The following ZDHHC14 variants were observed in gnomAD, a reference collection of about 807,000 sequenced individuals.
ZDHHC14 encodes zDHHC palmitoyltransferase 14, also known as palmitoyltransferase ZDHHC14.
Under a neutral mutation model 47.7 loss-of-function variants are expected in ZDHHC14, and 16 were observed. The observed-to-expected ratio is 0.34, with a 90% CI of 0.23 to 0.51. The LOEUF is 0.51. Ranked by LOEUF, ZDHHC14 falls within the 20% of genes least tolerant of loss-of-function variation. The pLI, the probability that ZDHHC14 is intolerant of heterozygous loss-of-function variation, is 0.97. For synonymous variants in ZDHHC14, 293 were observed against 278.9 expected, an observed-to-expected ratio of 1.05 and a Z score of -0.50; for missense variants, 515 against 662.5, an observed-to-expected ratio of 0.78 and a Z score of 2.44.
Position 157,674,645 on chromosome 6 carries a change from C to G in ZDHHC14, c.*1523C>G, listed in dbSNP as rs1160250116. 1.3e-5 allele frequency: 2 copies of G among 152,026 alleles called. No homozygotes were observed. Among genetic ancestry groups the G allele is most frequent in the Admixed American group, 1.3e-4 (2 of 15,268 alleles). The allele number at this position is 152,026 out of a possible 1,614,324, so 9.4% of individuals were successfully genotyped here. A position where few individuals can be genotyped will look rare whatever the true frequency, so the allele number is the denominator to read the frequency against. On this transcript the variant is annotated 3_prime_UTR_variant, in exon 9 of 9. Transcript: ENST00000359775. ...CACATTGACCAATGATACAAGTAAC[C>G]CAAGTGATTTGCATTTATGGAAAAA...
chr6:157,417,815 G>A lies in ZDHHC14; in HGVS notation c.245+35549G>A, dbSNP rs151160000. ...TAAAAATACAAAAAATTAGCCGGGCGTGGTTGCGGGTGCCTGTAGTCCCAG... is the reference window on the plus strand; with the variant it reads ...TAAAAATACAAAAAATTAGCCGGGCATGGTTGCGGGTGCCTGTAGTCCCAG... On this transcript the variant is annotated intron_variant, in intron 1 of 8. Coordinates refer to ENST00000359775, the MANE Select transcript of ZDHHC14 (RefSeq NM_024630.3). 6.9e-3 allele frequency among the ~76,000 whole-genome samples: 1,049 copies of A among 152,222 alleles called. 22 individuals are homozygous for A. The highest frequency in any genetic ancestry group is 0.024 in the African/African-American group (997 of 41,554).
chr6:157,440,029 G>C (rs1194924851), intron 1 of ZDHHC14, among the ~76,000 whole-genome samples: 1 of 152,068 alleles, frequency 6.6e-6, no homozygotes, highest in African/African-American at 2.4e-5. Context: ...GGAGGAGGGA[G>C]AGCATCAGGA....
intron 1 of ZDHHC14, among the ~76,000 whole-genome samples, chr6:157,445,159 C>CT (rs1778638403): frequency 6.7e-6 from 1 of 149,836 alleles, no homozygotes; most frequent in African/African-American, 2.5e-5. Context: ...TCATATCTAT[C>CT]TATCTATCAT....
intron 8 of ZDHHC14, among the ~76,000 whole-genome samples, chr6:157,665,645 A>G (rs1422505546): frequency 3.9e-5 from 6 of 152,218 alleles, no homozygotes; most frequent in Admixed American, 1.3e-4. Context: ...CTAGATAAGC[A>G]CCCTGATATT....
Position 157,495,581 on chromosome 6 carries a change from G to A in ZDHHC14, c.246-47004G>A, listed in dbSNP as rs183233679. Among the ~76,000 whole-genome samples the A allele has an allele frequency of 1.4e-4, 22 of 152,170 alleles. No individual in the cohort carries two copies. In the East Asian group the frequency reaches 4.2e-3, roughly 29 times the overall value. ...GGAGGTTGTTGGATGGCCATGGGAG[G>A]GTACATGACATTTCATCAGGAGAAG... On this transcript the variant is annotated intron_variant, in intron 1 of 8. Transcript: ENST00000359775.
At chr6:157,645,700 G>A (rs1191783876) in intron 5 of ZDHHC14, 37 bp from the exon 6 acceptor site, 2 of 1,570,350 alleles carry the variant, frequency 1.3e-6, no homozygotes, top group East Asian at 2.2e-5. Flanking sequence ...TTCTTGCGCG[G>A]TCCCTCACTT....
chr6:157,635,036 C>T (rs1299116183), intron 5 of ZDHHC14, among the ~76,000 whole-genome samples: 1 of 152,070 alleles, frequency 6.6e-6, no homozygotes, highest in Non-Finnish European at 1.5e-5. Flanking sequence ...CTCTGTCGCC[C>T]AGGCTGGAGT....
chr6:157,628,737 G>C (rs1785539772), intron 4 of ZDHHC14: 1 of 473,590 alleles, frequency 2.1e-6, no homozygotes. Context: ...CCTAGGCCAG[G>C]CTGCGCTTTC....
chr6:157,402,954 C>T (rs1472367132), intron 1 of ZDHHC14, among the ~76,000 whole-genome samples: 3 of 152,182 alleles, frequency 2.0e-5, no homozygotes, highest in Non-Finnish European at 4.4e-5. Context: ...AGGCTGGTCT[C>T]GAACTGGCCA....
In ZDHHC14 at chr6:157,427,824, T is replaced by C. The variant is rs2114777498; in HGVS notation, c.245+45558T>C. On this transcript the variant is annotated intron_variant, in intron 1 of 8. Coordinates refer to ENST00000359775, the MANE Select transcript of ZDHHC14 (RefSeq NM_024630.3). This position sits in a 1 kb window ranked among gnomAD's most constrained non-coding sequence, Gnocchi z 4.4. ...TTTCATCAAGATCCTTTCCATGACA[T>C]TGTGGCCCCCAAGGACAATGGAATG... Among the ~76,000 whole-genome samples, 1 of 152,234 alleles carries C rather than the reference T, an allele frequency of 6.6e-6. No individual in the cohort carries two copies. Among genetic ancestry groups the C allele is most frequent in the South Asian group, 2.1e-4 (1 of 4,820 alleles).
At chr6:157,404,529 G>C (rs1417319929) in intron 1 of ZDHHC14, among the ~76,000 whole-genome samples, 5 of 152,196 alleles carry the variant, frequency 3.3e-5, no homozygotes, top group African/African-American at 9.6e-5. Context: ...AGACTCCCCA[G>C]TGGTGACAGA....
chr6:157,584,504 C>T (rs935265831), intron 2 of ZDHHC14, among the ~76,000 whole-genome samples: 2 of 152,134 alleles, frequency 1.3e-5, no homozygotes, highest in Non-Finnish European at 2.9e-5. Flanking sequence ...ATATTTGATC[C>T]CTGAATTTGG....
intron 1 of ZDHHC14, 81 bp from the exon 2 acceptor site, chr6:157,542,504 T>C (rs1781803456): frequency 4.7e-6 from 7 of 1,499,504 alleles, no homozygotes; most frequent in Non-Finnish European, 6.3e-6. Context: ...TCTTAGAAGA[T>C]AAAGACTGCT....
chr6:157,429,414 CTT>C (rs1778291048), intron 1 of ZDHHC14, among the ~76,000 whole-genome samples: 1 of 152,146 alleles, frequency 6.6e-6, no homozygotes, highest in African/African-American at 2.4e-5. Flanking sequence ...GGTCCAAAAA[CTT>C]TGCACATCAC....
At chr6:157,602,170 T>A (rs1784361114) in intron 3 of ZDHHC14, among the ~76,000 whole-genome samples, 2 of 143,144 alleles carry the variant, frequency 1.4e-5, no homozygotes, top group Admixed American at 7.2e-5. Flanking sequence ...GCCACTGCAC[T>A]CCAGCCTGGG....
intron 2 of ZDHHC14, among the ~76,000 whole-genome samples, chr6:157,555,834 C>T (rs893987613): frequency 6.6e-6 from 1 of 152,188 alleles, no homozygotes; most frequent in Non-Finnish European, 1.5e-5. Flanking sequence ...TATCTCCCGA[C>T]ATTGCCAAAT....
chr6:157,396,990 C>T (rs963550108), intron 1 of ZDHHC14, among the ~76,000 whole-genome samples: 2 of 152,172 alleles, frequency 1.3e-5, no homozygotes, highest in African/African-American at 4.8e-5. Context: ...AAGTTCTCTG[C>T]CTCTTGGCTT....
chr6:157,640,543 G>T (rs1402579244), intron 5 of ZDHHC14, among the ~76,000 whole-genome samples: 1 of 152,184 alleles, frequency 6.6e-6, no homozygotes, highest in Non-Finnish European at 1.5e-5. Flanking sequence ...CCAGAAAGTA[G>T]GTAGGACAGG....
At chr6:157,629,227 C>T (rs551819483) in intron 4 of ZDHHC14, among the ~76,000 whole-genome samples, 1 of 152,272 alleles carries the variant, frequency 6.6e-6, no homozygotes, top group Admixed American at 6.5e-5. Flanking sequence ...CACTTTTCTA[C>T]AATAGAAAGT....
Sources: allele counts gnomAD v4.1 joint callset (sites outside exome capture counted in the v4.1 genomes callset), GRCh38; gene constraint gnomAD v4.1.1; non-coding constraint Gnocchi (gnomAD v3.1); transcripts MANE v1.5; gene names NCBI Gene and HGNC (gene_info 2026-07-23, HGNC 2026-07-21).